Variants in HGSNAT observed in about 807,000 individuals in gnomAD.
HGSNAT encodes the protein transmembrane protein 76.
HGSNAT carries 59 observed loss-of-function variants against 85.2 expected under a neutral mutation model. That is an observed-to-expected ratio of 0.69 (90% CI 0.56 to 0.86). The LOEUF (loss-of-function observed/expected upper bound fraction) is 0.86. Ranked by LOEUF, HGSNAT falls within the 40% of genes least tolerant of loss-of-function variation. The pLI is 0.00. For missense variants in HGSNAT, 756 were observed against 777.1 expected, an observed-to-expected ratio of 0.97 and a Z score of 0.32; for synonymous variants, 321 against 304.5, an observed-to-expected ratio of 1.05 and a Z score of -0.56.
Position 43,150,910 on chromosome 8 carries a change from C to T in HGSNAT, c.234+3847C>T, listed in dbSNP as rs565561724. ...GAAAGAGAAGAGCTATATATATATA[C>T]ATTAGTAAATAAAGTATTAAAAACT... is the stretch of plus-strand genomic sequence containing the variant. On this transcript the variant is annotated intron_variant, in intron 2 of 17. Coordinates refer to ENST00000379644, the MANE Select transcript of HGSNAT (RefSeq NM_152419.3). Among the ~76,000 whole-genome samples the T allele has an allele frequency of 2.0e-5, 3 of 151,734 alleles. No homozygotes were observed. In the South Asian group the frequency reaches 6.2e-4, roughly 31 times the overall value.
intron 2 of HGSNAT, among the ~76,000 whole-genome samples, chr8:43,148,223 C>T (rs1003845558): frequency 6.6e-6 from 1 of 151,942 alleles, no homozygotes; most frequent in African/African-American, 2.4e-5. Context: ...GCCTGGGCAA[C>T]AAAAGCGAAA....
At chr8:43,156,925 C>T (rs780083767) in intron 2 of HGSNAT, among the ~76,000 whole-genome samples, 1 of 152,008 alleles carries the variant, frequency 6.6e-6, no homozygotes, top group Non-Finnish European at 1.5e-5. Context: ...AAGGGAGTCT[C>T]TTGTAGGCAG....
rs369577040 is a variant in HGSNAT at position 43,144,704 on chromosome 8, GATT to G, written c.119-2225_119-2223del. Among the ~76,000 whole-genome samples, 9 of 151,926 alleles carry G rather than the reference GATT, an allele frequency of 5.9e-5. No individual in the cohort carries two copies. The South Asian group carries it at 1.7e-3, about 28-fold the overall frequency. ...GCCTAGAGAACCAAAAGCTATAGTG[GATT>G]ATTATTATTATTATTATTTTGCTGA... is the stretch of plus-strand genomic sequence containing the variant. On this transcript the variant is annotated intron_variant, in intron 1 of 17. Transcript: ENST00000379644.
chr8:43,154,355 G>A (rs552413798), intron 2 of HGSNAT, among the ~76,000 whole-genome samples: 23 of 77,580 alleles, frequency 3.0e-4, no homozygotes, highest in African/African-American at 1.1e-3. Context: ...TCCCCCCACC[G>A]CACAGCAGGT....
intron 2 of HGSNAT, among the ~76,000 whole-genome samples, chr8:43,150,636 A>C (rs956639674): frequency 9.2e-5 from 14 of 152,126 alleles, no homozygotes; most frequent in East Asian, 3.9e-4. Context: ...GATCGAGACC[A>C]TCCTGGCCAA....
chr8:43,183,951 C>T (rs534920511), intron 11 of HGSNAT, among the ~76,000 whole-genome samples: 46 of 152,304 alleles, frequency 3.0e-4, no homozygotes, highest in African/African-American at 1.1e-3. Context: ...CATGTCCCTA[C>T]AAAGGACATG....
chr8:43,186,801 A>G (rs868776255), intron 11 of HGSNAT, among the ~76,000 whole-genome samples: 4 of 152,166 alleles, frequency 2.6e-5, no homozygotes, highest in Admixed American at 6.5e-5. Flanking sequence ...TTCCTTCTAC[A>G]CACTGCTCTA....
chr8:43,173,626 T>C (rs1373910935), intron 8 of HGSNAT, 87 bp from the exon 9 acceptor site: 2 of 1,389,734 alleles, frequency 1.4e-6, no homozygotes, highest in Non-Finnish European at 2.0e-6. Flanking sequence ...TTACTTTCTA[T>C]ACCAGTGTGT....
At chr8:43,188,216 T>A (rs992302040) in intron 11 of HGSNAT, among the ~76,000 whole-genome samples, 1 of 152,240 alleles carries the variant, frequency 6.6e-6, no homozygotes, top group African/African-American at 2.4e-5. Context: ...GAAGTTCTCC[T>A]AGATAATATC....
chr8:43,148,935 G>C (rs1055408591), intron 2 of HGSNAT, among the ~76,000 whole-genome samples: 3 of 151,642 alleles, frequency 2.0e-5, no homozygotes, highest in African/African-American at 7.3e-5. Context: ...GGCCAGCATG[G>C]TGAAACCCCG....
Position 43,159,587 on chromosome 8 carries a change from C to CA in HGSNAT, c.493+551dup, listed in dbSNP as rs561738794. Among the ~76,000 whole-genome samples the CA allele has an allele frequency of 2.0e-4, 30 of 151,584 alleles. No homozygotes were observed. In the East Asian group the frequency reaches 4.8e-3, roughly 24 times the overall value. ...TGGGTGATAGAGCCAGACCTTGTCT[C>CA]AAAAAAAATTATATGATATATCAAT... On this transcript the variant is annotated intron_variant, in intron 4 of 17. Coordinates refer to ENST00000379644, the MANE Select transcript of HGSNAT (RefSeq NM_152419.3).
chr8:43,190,261 G>A (rs918800153), intron 11 of HGSNAT, among the ~76,000 whole-genome samples: 2 of 152,144 alleles, frequency 1.3e-5, no homozygotes, highest in African/African-American at 4.8e-5. Flanking sequence ...AAATTCCGAC[G>A]GAAATGTTTA....
At chr8:43,141,412 A>G (rs113390553) in intron 1 of HGSNAT, among the ~76,000 whole-genome samples, 4,307 of 152,160 alleles carry the variant, frequency 0.028, 205 homozygotes, top group African/African-American at 0.099. Flanking sequence ...CCGTGATTGC[A>G]CAACTGGCTT....
At chr8:43,194,228 T>C (rs1804635111) in intron 14 of HGSNAT, 3 of 537,192 alleles carry the variant, frequency 5.6e-6, no homozygotes, top group Non-Finnish European at 7.3e-6. Context: ...TGAGACCCTG[T>C]CTCTACAAGA....
intron 5 of HGSNAT, among the ~76,000 whole-genome samples, chr8:43,162,743 T>C (rs1205963895): frequency 1.3e-5 from 2 of 151,810 alleles, no homozygotes; most frequent in Non-Finnish European, 2.9e-5. Context: ...TTAATTTTTG[T>C]ATTTTTAGTG....
intron 11 of HGSNAT, among the ~76,000 whole-genome samples, chr8:43,187,297 A>G (rs530158784): frequency 2.6e-5 from 4 of 152,158 alleles, no homozygotes; most frequent in Non-Finnish European, 5.9e-5. Flanking sequence ...GTAGGTCTCT[A>G]AGGACTTGCT....
At chr8:43,164,704 C>T (rs1047756403) in intron 5 of HGSNAT, among the ~76,000 whole-genome samples, 1 of 152,106 alleles carries the variant, frequency 6.6e-6, no homozygotes, top group African/African-American at 2.4e-5. Flanking sequence ...TTGCTGGAAC[C>T]CAGGAAGTGG....
At chr8:43,196,761 C>G in intron 14 of HGSNAT, 187 bp from the exon 15 acceptor site, 1 of 610,584 alleles carries the variant, frequency 1.6e-6, no homozygotes, top group Admixed American at 2.7e-5. Flanking sequence ...TCTCTGGTCC[C>G]ATGCTCCTCT....
intron 4 of HGSNAT, among the ~76,000 whole-genome samples, chr8:43,159,730 G>A (rs576362331): frequency 6.6e-6 from 1 of 152,344 alleles, no homozygotes; most frequent in Non-Finnish European, 1.5e-5. Context: ...TGTTTTAGGA[G>A]TGAGCGTATA....
Sources: gnomAD v4.1 joint callset for allele counts (sites outside exome capture counted in the v4.1 genomes callset) on GRCh38, gnomAD v4.1.1 for gene constraint, MANE v1.5 for transcripts, NCBI Gene and HGNC (gene_info 2026-07-23, HGNC 2026-07-21) for gene names.